The following ZNF461 variants were observed in gnomAD, a reference collection of about 807,000 sequenced individuals.
The protein encoded by ZNF461 is gonadotropin-inducible ovarian transcription factor-1.
A neutral mutation model predicts 18.3 loss-of-function variants in ZNF461; 16 were observed. That is an observed-to-expected ratio of 0.88 (90% CI 0.59 to 1.33). The LOEUF is 1.33. Ranked by LOEUF, ZNF461 falls within the 40% of genes most tolerant of loss-of-function variation. The pLI is 0.00. For missense variants in ZNF461, 595 were observed against 669.9 expected (o/e 0.89, Z 1.23); for synonymous variants, 179 against 216.9 (o/e 0.83, Z 1.54).
chr19:36,663,175 T>G (rs1471818167), intron 2 of ZNF461, among the ~76,000 whole-genome samples: 1 of 152,200 alleles, frequency 6.6e-6, no homozygotes, highest in East Asian at 1.9e-4. Flanking sequence ...ACTTAGTCTG[T>G]TTTCTTTATT....
chr19:36,646,898 T>C (rs1483583854), intron 4 of ZNF461, among the ~76,000 whole-genome samples: 3 of 152,230 alleles, frequency 2.0e-5, no homozygotes, highest in African/African-American at 7.2e-5. Context: ...TTTCCTAGAT[T>C]TAATTTCTAA....
chr19:36,665,688 GA>G (rs1229951526), intron 1 of ZNF461, among the ~76,000 whole-genome samples: 5 of 104,122 alleles, frequency 4.8e-5, no homozygotes, highest in African/African-American at 1.2e-4. Context: ...CAGCCACGGT[GA>G]AAGAGAGAAA....
rs1425487109 is a variant in ZNF461, at chr19:36,656,619, T to C, written c.137-76A>G. 6.8e-6 allele frequency: 8 copies of C among 1,168,566 alleles called. No individual in the cohort carries two copies. The Admixed American group carries it at 1.8e-4, about 27-fold the overall frequency. The allele number at this position is 1,168,566 out of a possible 1,614,324, so 72.4% of individuals were successfully genotyped here. A position where few individuals can be genotyped will look rare whatever the true frequency, so the allele number is the denominator to read the frequency against. On this transcript the variant is annotated intron_variant, in intron 3 of 5. Coordinates refer to ENST00000588268, the MANE Select transcript of ZNF461 (RefSeq NM_153257.5). ...TACAGTGATTTAGAACTGATTAAAA[T>C]AAAAATAAATCACAGATAAAAATGG...
intron 4 of ZNF461, among the ~76,000 whole-genome samples, chr19:36,655,555 C>T (rs1175459786): frequency 1.3e-5 from 2 of 152,138 alleles, no homozygotes; most frequent in Non-Finnish European, 2.9e-5. Context: ...GCTGAGTTTG[C>T]ACCACTGTAC....
At position 36,639,037 on chromosome 19, in the gene ZNF461, A is replaced by G. The variant is rs1294304649; in HGVS notation, c.1308T>C (p.Thr436=). The change falls in exon 6 of 6, where the codon ACT becomes ACC. Residue 436 remains threonine (T), a synonymous_variant. Transcript: ENST00000588268. ...CCTTACACTCATAGGGTTTCTCACCAGTATGAATCCTCTGATGTAGGGTTA... is the reference window on the plus strand; with the variant it reads ...CCTTACACTCATAGGGTTTCTCACCGGTATGAATCCTCTGATGTAGGGTTA... ...LQLTLHQRIH[T]GEKPYECKEC... is the part of the protein sequence containing the mutation. 6.2e-7 allele frequency: 1 copy of G among 1,614,088 alleles called. No homozygotes were observed. Among genetic ancestry groups the G allele is most frequent in the East Asian group, 2.2e-5 (1 of 44,866 alleles).
intron 4 of ZNF461, among the ~76,000 whole-genome samples, chr19:36,654,006 A>G (rs2037672989): frequency 6.6e-6 from 1 of 152,170 alleles, no homozygotes; most frequent in East Asian, 1.9e-4. Context: ...TATGAATTGC[A>G]GCAATGTCAA....
chr19:36,666,203 TC>T (rs2037931818), intron 1 of ZNF461, among the ~76,000 whole-genome samples: 1 of 151,760 alleles, frequency 6.6e-6, no homozygotes, highest in African/African-American at 2.4e-5. Context: ...CAAGCGATTC[TC>T]CTGCCTCAGC....
chr19:36,639,326 C>G lies in ZNF461; in HGVS notation c.1019G>C (p.Arg340Pro), dbSNP rs757567988. Reference protein sequence around the residue: ...ECKQCGKAFIRGFQLTEHLRL... With the variant: ...ECKQCGKAFIPGFQLTEHLRL... ...CAGGTGTTCAGTAAGTTGAAAGCCA[C>G]GAATAAAAGCCTTCCCACATTGCTT... The change falls in exon 6 of 6, where the codon CGT (arginine) becomes CCT (proline). Residue 340 changes from arginine to proline, a missense_variant. Transcript: ENST00000588268. 2 of 1,612,604 alleles carry G rather than the reference C, an allele frequency of 1.2e-6. No homozygotes were observed. The highest frequency in any genetic ancestry group is 1.7e-6 in the Non-Finnish European group (2 of 1,179,708).
At chr19:36,640,955 C>T (rs1600412732) in intron 5 of ZNF461, among the ~76,000 whole-genome samples, 1 of 152,196 alleles carries the variant, frequency 6.6e-6, no homozygotes, top group Non-Finnish European at 1.5e-5. Context: ...CCAATATAAT[C>T]TCATTTTGAG....
At position 36,658,405 on chromosome 19, in the gene ZNF461, A is replaced by G; in HGVS notation, c.30T>C (p.Asp10=). The G allele has an allele frequency of 1.9e-6, 3 of 1,609,834 alleles. No individual in the cohort carries two copies. The highest frequency in any genetic ancestry group is 2.5e-6 in the Non-Finnish European group (3 of 1,178,078). ...CCTCCTGAGAGACATCTATAGCCAC[A>G]TCTCTGAACATCACCAACTCCTAAA... The part of the protein sequence containing the change: MAHELVMFR[D]VAIDVSQEEW... Residue 10 remains aspartate (D), a synonymous_variant, in exon 3 of 6, where the codon GAT becomes GAC. Transcript: ENST00000588268.
chr19:36,639,944 T>C lies in ZNF461; in HGVS notation c.401A>G (p.His134Arg). ...GCTGAAAATTGATCTCTCAGGACTATGGCTTTTAAATTCTTCCATGTTAAC... is the reference window on the plus strand; with the variant it reads ...GCTGAAAATTGATCTCTCAGGACTACGGCTTTTAAATTCTTCCATGTTAAC... Reference protein sequence around the residue: ...QWVNMEEFKSHSPERSIFSAI... With the variant: ...QWVNMEEFKSRSPERSIFSAI... The change falls in exon 6 of 6, where the codon CAT becomes CGT. Residue 134 changes from histidine to arginine, a missense_variant. Physicochemically the swap from His to Arg is conservative, Grantham distance 29. Coordinates refer to ENST00000588268, the MANE Select transcript of ZNF461 (RefSeq NM_153257.5). The C allele has an allele frequency of 6.2e-7, 1 of 1,613,924 alleles. No individual in the cohort carries two copies. The highest frequency in any genetic ancestry group is 8.5e-7 in the Non-Finnish European group (1 of 1,179,864).
At position 36,639,852 on chromosome 19, in the gene ZNF461, G is replaced by A. The variant is rs764301563; in HGVS notation, c.493C>T (p.Leu165Phe). 7.4e-6 allele frequency: 12 copies of A among 1,613,744 alleles called. No homozygotes were observed. In the East Asian group the frequency reaches 2.2e-4, roughly 30 times the overall value. ...GGCATGTTTTCATGGTTAATCATAA[G>A]TTGTCTAAAATAACCCTCCTCTTGT... The part of the protein sequence containing the change: ...QGQEEGYFRQ[L>F]MINHENMPIF... Residue 165 changes from leucine to phenylalanine, a missense_variant, in exon 6 of 6, where the codon CTT (leucine) becomes TTT (phenylalanine). Coordinates refer to ENST00000588268, the MANE Select transcript of ZNF461 (RefSeq NM_153257.5).
intron 3 of ZNF461, among the ~76,000 whole-genome samples, chr19:36,657,189 AGAGAGTACAGGTCAGGCGCGGTG>A (rs1441541835): frequency 3.3e-5 from 5 of 151,966 alleles, no homozygotes; most frequent in Admixed American, 6.6e-5. Flanking sequence ...ATCACTTAAA[AGAGAGTACAGGTCAGGCGCGGTG>A]GCTCACACCT....
chr19:36,662,717 A>G (rs2037839312), intron 2 of ZNF461, among the ~76,000 whole-genome samples: 1 of 152,086 alleles, frequency 6.6e-6, no homozygotes, highest in African/African-American at 2.4e-5. Context: ...TATTTCTCTG[A>G]TTTTATTATT....
At chr19:36,651,200 C>T (rs990124689) in intron 4 of ZNF461, among the ~76,000 whole-genome samples, 5 of 146,632 alleles carry the variant, frequency 3.4e-5, no homozygotes, top group African/African-American at 1.3e-4. Flanking sequence ...CACTGGACTC[C>T]AGCCTGGGGC....
rs189792543 is a variant in ZNF461 at position 36,636,897 on chromosome 19, A to G, written c.*1756T>C. Among the ~76,000 whole-genome samples the G allele has an allele frequency of 4.5e-4, 69 of 152,326 alleles. No homozygotes were observed. The Middle Eastern group carries it at 0.01, about 23-fold the overall frequency. ...AGCCAGCATATCTGGCCACATTCCA[A>G]TGCTTCAAAGGAGTGTCTTTCTCCT... On this transcript the variant is annotated 3_prime_UTR_variant, in exon 6 of 6. Transcript: ENST00000588268.
At chr19:36,640,140 A>AT in intron 5 of ZNF461, 97 bp from the exon 6 acceptor site, 1 of 1,087,178 alleles carries the variant, frequency 9.2e-7, no homozygotes, top group Non-Finnish European at 1.3e-6. Flanking sequence ...AATAATTCAT[A>AT]TAAGAAATAA....
At chr19:36,649,206 C>T (rs972934429) in intron 4 of ZNF461, among the ~76,000 whole-genome samples, 1 of 152,202 alleles carries the variant, frequency 6.6e-6, no homozygotes, top group Non-Finnish European at 1.5e-5. Flanking sequence ...AAAAGGCAAT[C>T]AACTAATGCA....
intron 2 of ZNF461, among the ~76,000 whole-genome samples, chr19:36,664,256 A>T (rs562080673): frequency 6.6e-6 from 1 of 152,308 alleles, no homozygotes; most frequent in East Asian, 1.9e-4. Flanking sequence ...CTCACTAGTA[A>T]GTTATTGTAT....
Sources: allele counts gnomAD v4.1 joint callset (sites outside exome capture counted in the v4.1 genomes callset), GRCh38; gene constraint gnomAD v4.1.1; transcripts MANE v1.5; gene names NCBI Gene and HGNC (gene_info 2026-07-23, HGNC 2026-07-21).